The following PRRC2B variants were observed in gnomAD, a reference collection of about 807,000 sequenced individuals.
The protein encoded by PRRC2B is protein PRRC2B.
In PRRC2B, 68 loss-of-function variants were observed where a neutral mutation model predicts 242.3. The ratio of observed to expected loss-of-function variants is 0.28; its 90% CI spans 0.23 to 0.34. The LOEUF is 0.34. Among genes scored for constraint, PRRC2B ranks in the 10% least tolerant of loss-of-function variants. The pLI is 1.00. For synonymous variants in PRRC2B, 1,228 were observed against 1,173.6 expected, an observed-to-expected ratio of 1.05 and a Z score of -0.95; for missense variants, 2,835 against 2,954.8, an observed-to-expected ratio of 0.96 and a Z score of 0.94.
chr9:131,486,159 C>A lies in PRRC2B; in HGVS notation c.5833C>A (p.Pro1945Thr), dbSNP rs202229666. 5.4e-4 allele frequency: 872 copies of A among 1,611,792 alleles called. 1 individual carries two copies. Among genetic ancestry groups the A allele is most frequent in the Non-Finnish European group, 7.1e-4 (832 of 1,178,762 alleles). Residue 1945 changes from proline (P) to threonine (T), a missense_variant, in exon 26 of 32, where the codon CCT becomes ACT. Coordinates refer to ENST00000683519, the MANE Select transcript of PRRC2B (RefSeq NM_013318.4). ...SQPRLVPQTI[P>T]QQQSYQQAAA... Reference sequence around the variant, plus strand: ...GCCCCGGCTGGTTCCTCAAACGATACCTCAGCAGCAGAGTTACCAACAGGT... The same window carrying A: ...GCCCCGGCTGGTTCCTCAAACGATAACTCAGCAGCAGAGTTACCAACAGGT...
At chr9:131,465,205 A>G (rs1588268030) in intron 12 of PRRC2B, 127 bp downstream of exon 12, 2 of 940,848 alleles carry the variant, frequency 2.1e-6, no homozygotes, top group Non-Finnish European at 3.1e-6. Flanking sequence ...ATTGGGAAGC[A>G]TCAGTTATTA....
chr9:131,377,504 C>A (rs1013388538), intron 1 of PRRC2B, among the ~76,000 whole-genome samples: 1 of 151,072 alleles, frequency 6.6e-6, no homozygotes, highest in African/African-American at 2.4e-5. Context: ...TTTCCTTTTT[C>A]TTTTGTGTGT....
intron 1 of PRRC2B, among the ~76,000 whole-genome samples, chr9:131,426,715 G>C (rs1837985812): frequency 6.6e-6 from 1 of 152,220 alleles, no homozygotes; most frequent in South Asian, 2.1e-4. Flanking sequence ...TCAAGCAGCT[G>C]CTGGCAGGTA....
rs745379487 is a variant in PRRC2B, at chr9:131,475,478, C to T, written c.3349C>T (p.Arg1117Trp). The change falls in exon 16 of 32, where the codon CGG (arginine) becomes TGG (tryptophan). Residue 1117 changes from arginine to tryptophan, a missense_variant. By Grantham distance (101) the Arg-to-Trp change is moderately radical. This residue lies in a region of PRRC2B where 1,536 missense variants were observed against 1,483.1 expected (regional missense o/e 1.04). Transcript: ENST00000683519. Reference sequence around the variant, plus strand: ...TGGCCGGGGCCTGCGAGAGTTTGCGCGGCCAGAGGACTGCCCCAGAGCCAA... The same window carrying T: ...TGGCCGGGGCCTGCGAGAGTTTGCGTGGCCAGAGGACTGCCCCAGAGCCAA... ...GRGRGLREFA[R>W]PEDCPRAKPR... 1.8e-5 allele frequency: 29 copies of T among 1,591,282 alleles called. No individual in the cohort carries two copies. Among genetic ancestry groups the T allele is most frequent in the Admixed American group, 1.1e-4 (6 of 56,308 alleles).
At chr9:131,479,945 G>A (rs1943811150) in intron 19 of PRRC2B, among the ~76,000 whole-genome samples, 1 of 151,950 alleles carries the variant, frequency 6.6e-6, no homozygotes. Context: ...TATATCAAAT[G>A]TAATTTTTCT....
chr9:131,484,108 A>C (rs1490056173), intron 23 of PRRC2B, among the ~76,000 whole-genome samples: 1 of 152,208 alleles, frequency 6.6e-6, no homozygotes. Flanking sequence ...TCTTTACTCG[A>C]GAGTCTGCGG....
chr9:131,440,857 T>C (rs1200638489), intron 5 of PRRC2B, among the ~76,000 whole-genome samples: 1 of 123,250 alleles, frequency 8.1e-6, no homozygotes, highest in Non-Finnish European at 1.8e-5. Context: ...CCCAGGACTT[T>C]GGGAGGCTGA....
chr9:131,459,369 C>T lies in PRRC2B; in HGVS notation c.1404+13C>T, dbSNP rs1346430125. 1 of 1,604,880 alleles carries T rather than the reference C, an allele frequency of 6.2e-7. No homozygotes were observed. Among genetic ancestry groups the T allele is most frequent in the Admixed American group, 1.7e-5 (1 of 57,922 alleles). On this transcript the variant is annotated intron_variant, in intron 11 of 31. Transcript: ENST00000683519. ...CCCTGACTACCAGGTACCAAGGGCCCTTGGCTGTCCTGTGTATTTGTACTT... is the reference window on the plus strand; with the variant it reads ...CCCTGACTACCAGGTACCAAGGGCCTTTGGCTGTCCTGTGTATTTGTACTT...
At chr9:131,463,946 T>G (rs1448844626) in intron 11 of PRRC2B, among the ~76,000 whole-genome samples, 2 of 150,990 alleles carry the variant, frequency 1.3e-5, no homozygotes, top group Non-Finnish European at 3.0e-5. Flanking sequence ...ACATGCTTTT[T>G]TTTTTTTTTC....
At chr9:131,476,986 T>G (rs1410563502) in intron 16 of PRRC2B, among the ~76,000 whole-genome samples, 1 of 152,184 alleles carries the variant, frequency 6.6e-6, no homozygotes, top group Non-Finnish European at 1.5e-5. Context: ...TTCTCCACTG[T>G]GAGGAGACGT....
At position 131,444,305 on chromosome 9, in the gene PRRC2B, C is replaced by T. The variant is rs1290021822; in HGVS notation, c.590C>T (p.Pro197Leu). Reference protein sequence around the residue: ...EKGVLDLSYGPGPSLRPQNVT... With the variant: ...EKGVLDLSYGLGPSLRPQNVT... ...GGCGTCTTAGATCTGTCGTATGGGC[C>T]AGGACCAAGCCTCCGCCCTCAGAGT... Residue 197 changes from proline (P) to leucine (L), a missense_variant, in exon 6 of 32, where the codon CCA (proline) becomes CTA (leucine). Around this residue, in one of 7 missense-constraint regions of PRRC2B, gnomAD observed 626 missense variants for 685.5 expected, o/e 0.91. Coordinates refer to ENST00000683519, the MANE Select transcript of PRRC2B (RefSeq NM_013318.4). 1 of 1,613,020 alleles carries T rather than the reference C, an allele frequency of 6.2e-7. No homozygotes were observed. The highest frequency in any genetic ancestry group is 8.5e-7 in the Non-Finnish European group (1 of 1,179,474).
At chr9:131,412,818 A>G (rs1358079030) in intron 1 of PRRC2B, among the ~76,000 whole-genome samples, 2 of 131,852 alleles carry the variant, frequency 1.5e-5, no homozygotes, top group East Asian at 4.7e-4. Context: ...TTTTTTGAGA[A>G]GGAGTTTTGC....
intron 4 of PRRC2B, among the ~76,000 whole-genome samples, chr9:131,437,289 G>C (rs1838406165): frequency 6.6e-6 from 1 of 152,202 alleles, no homozygotes; most frequent in African/African-American, 2.4e-5. Context: ...TGTCTCTAGG[G>C]ACTAATGTCT....
Position 131,473,730 on chromosome 9 carries a change from A to G in PRRC2B, c.2324+6A>G, listed in dbSNP as rs377683108. The G allele has an allele frequency of 1.6e-5, 26 of 1,610,492 alleles. No individual in the cohort carries two copies. In the African/African-American group the frequency reaches 2.8e-4, roughly 17 times the overall value. ...GCTATGGACATGCGTGTCAGGTGAG[A>G]TGAAGCCTGGTCCTGCTGCCTTGCC... On this transcript the variant is annotated splice_donor_region_variant and intron_variant, in intron 15 of 31. Coordinates refer to ENST00000683519, the MANE Select transcript of PRRC2B (RefSeq NM_013318.4).
intron 4 of PRRC2B, among the ~76,000 whole-genome samples, 172 bp downstream of exon 4, chr9:131,436,894 A>G (rs1035003333): frequency 1.3e-5 from 2 of 152,232 alleles, no homozygotes; most frequent in African/African-American, 4.8e-5. Context: ...GAAACCGTCA[A>G]GGTCAGTGGT....
chr9:131,377,507 T>G (rs1171286606), intron 1 of PRRC2B, among the ~76,000 whole-genome samples: 5 of 150,478 alleles, frequency 3.3e-5, no homozygotes, highest in South Asian at 2.1e-4. Flanking sequence ...CCTTTTTCTT[T>G]TGTGTGTGTG....
At chr9:131,422,420 T>C (rs1204397304) in intron 1 of PRRC2B, among the ~76,000 whole-genome samples, 2 of 152,208 alleles carry the variant, frequency 1.3e-5, no homozygotes, top group African/African-American at 4.8e-5. Flanking sequence ...CAGGCAGTAG[T>C]ATCTTCCAGA....
intron 12 of PRRC2B, among the ~76,000 whole-genome samples, chr9:131,467,250 A>G (rs1943423528): frequency 6.6e-6 from 1 of 152,138 alleles, no homozygotes; most frequent in African/African-American, 2.4e-5. Flanking sequence ...AGTCCTTTTT[A>G]ATAAAACATC....
At chr9:131,445,781 G>C (rs763793807) in intron 6 of PRRC2B, among the ~76,000 whole-genome samples, 10 of 152,114 alleles carry the variant, frequency 6.6e-5, no homozygotes, top group Non-Finnish European at 1.2e-4. Context: ...TTGATTTCTT[G>C]TTGGCCTCTA....
Sources: gnomAD v4.1 joint callset for allele counts (sites outside exome capture counted in the v4.1 genomes callset) on GRCh38, gnomAD v4.1.1 for gene constraint, gnomAD v4.1.1 regional missense constraint, MANE v1.5 for transcripts, NCBI Gene and HGNC (gene_info 2026-07-23, HGNC 2026-07-21) for gene names.